The following PTPN2 variants were observed in gnomAD, a reference collection of about 807,000 sequenced individuals.
PTPN2 encodes the protein protein tyrosine phosphatase non-receptor type 2, also known as tyrosine-protein phosphatase non-receptor type 2.
A neutral mutation model predicts 57.3 loss-of-function variants in PTPN2; 19 were observed. The ratio of observed to expected loss-of-function variants is 0.33; its 90% confidence interval spans 0.23 to 0.49. PTPN2 has a LOEUF of 0.49. PTPN2 is among the 20% of genes least tolerant of loss of function. The probability of loss-of-function intolerance (pLI) is 0.99; values close to 1 mark genes in which losing one functional copy is unlikely to be tolerated. For synonymous variants in PTPN2, 153 were observed against 164.9 expected, an observed-to-expected ratio of 0.93 and a Z score of 0.55; for missense variants, 358 against 501.1, an observed-to-expected ratio of 0.71 and a Z score of 2.73.
At chr18:12,808,930 A>C (rs2041793802) in intron 7 of PTPN2, among the ~76,000 whole-genome samples, 1 of 152,274 alleles carries the variant, frequency 6.6e-6, no homozygotes, top group African/African-American at 2.4e-5. Context: ...ACACTGGAGT[A>C]GTCACCACAG....
chr18:12,870,439 GTGTATATATATATATAT>G (rs2044207214), intron 1 of PTPN2, among the ~76,000 whole-genome samples: 2 of 30,370 alleles, frequency 6.6e-5, no homozygotes, highest in Non-Finnish European at 9.2e-5. Flanking sequence ...ATATATATAT[GTGTATATATATATATAT>G]ATATATAGAG....
At chr18:12,837,447 A>G (rs1388738303) in intron 2 of PTPN2, among the ~76,000 whole-genome samples, 2 of 152,204 alleles carry the variant, frequency 1.3e-5, no homozygotes, top group Non-Finnish European at 2.9e-5. Flanking sequence ...CACTGAAGAT[A>G]CTTCACTACT....
At chr18:12,786,030 C>T (rs2040835787) in intron 9 of PTPN2, 1 of 571,506 alleles carries the variant, frequency 1.7e-6, no homozygotes, top group East Asian at 3.1e-5. Context: ...GGCTGGGGTG[C>T]TGGATTTCCA....
At chr18:12,874,046 G>T (rs912881469) in intron 1 of PTPN2, among the ~76,000 whole-genome samples, 21 of 150,618 alleles carry the variant, frequency 1.4e-4, no homozygotes, top group African/African-American at 5.1e-4. Context: ...GAGACCCTCC[G>T]CCCGGCAGCC....
At chr18:12,829,848 GAAC>G (rs2042607721) in intron 4 of PTPN2, among the ~76,000 whole-genome samples, 1 of 152,194 alleles carries the variant, frequency 6.6e-6, no homozygotes, top group Admixed American at 6.5e-5. Context: ...GAAATAAAAA[GAAC>G]AATAATCAGA....
At chr18:12,786,700 G>T (rs1315512619) in intron 9 of PTPN2, 1 of 152,118 alleles carries the variant, frequency 6.6e-6, no homozygotes, top group Admixed American at 6.5e-5. Flanking sequence ...TATATATTAA[G>T]AAATAGGAAA....
At chr18:12,807,568 GAA>G (rs68088093) in intron 7 of PTPN2, among the ~76,000 whole-genome samples, 441 of 41,190 alleles carry the variant, frequency 0.011, 7 homozygotes, top group African/African-American at 0.027. Context: ...AGAAAATGTG[GAA>G]AAAAAAAAAA....
rs1255822578 is a variant in PTPN2 at position 12,862,001 on chromosome 18, C to T, written c.70-2747G>A. On this transcript the variant is annotated intron_variant, in intron 1 of 8. Coordinates refer to ENST00000309660, the MANE Select transcript of PTPN2 (RefSeq NM_002828.4). ...TCATAACATAAATACATTTTCTCAGCTAATAAGATCTCTTGCATTGAGTCC... is the reference window on the plus strand; with the variant it reads ...TCATAACATAAATACATTTTCTCAGTTAATAAGATCTCTTGCATTGAGTCC... The T allele has an allele frequency of 3.9e-5, 6 of 152,126 alleles. No individual in the cohort carries two copies. In the East Asian group the frequency reaches 7.7e-4, roughly 20 times the overall value. 9.4% of individuals were successfully genotyped at this position (152,126 alleles called of 1,614,324 possible). A position where few individuals can be genotyped will look rare whatever the true frequency, so the allele number is the denominator to read the frequency against.
At chr18:12,875,108 A>C (rs1257046866) in intron 1 of PTPN2, among the ~76,000 whole-genome samples, 1 of 152,144 alleles carries the variant, frequency 6.6e-6, no homozygotes, top group Non-Finnish European at 1.5e-5. Context: ...GCTTGAAGGC[A>C]GCATGCTCGT....
downstream of PTPN2, chr18:12,792,065 C>T: frequency 3.6e-6 from 1 of 279,446 alleles, no homozygotes; most frequent in Non-Finnish European, 5.4e-6. Context: ...AGGTTTAATG[C>T]AGACAGACAT....
At chr18:12,835,262 C>T (rs1350653978) in intron 3 of PTPN2, among the ~76,000 whole-genome samples, 1 of 151,950 alleles carries the variant, frequency 6.6e-6, no homozygotes, top group Non-Finnish European at 1.5e-5. Context: ...GTCTCTATTC[C>T]CAAGCTCCAC....
intron 6 of PTPN2, among the ~76,000 whole-genome samples, chr18:12,815,701 T>C (rs1018473925): frequency 6.6e-6 from 1 of 152,058 alleles, no homozygotes; most frequent in Non-Finnish European, 1.5e-5. Flanking sequence ...ATACGCAGAG[T>C]GGTAAAGTAA....
chr18:12,834,933 C>T (rs893905366), intron 3 of PTPN2, among the ~76,000 whole-genome samples: 26 of 152,052 alleles, frequency 1.7e-4, no homozygotes, highest in African/African-American at 5.8e-4. Context: ...CCAACCTGCC[C>T]CCCACCCACT....
chr18:12,797,927 T>C (rs1375339550), intron 8 of PTPN2, among the ~76,000 whole-genome samples: 1 of 152,118 alleles, frequency 6.6e-6, no homozygotes, highest in African/African-American at 2.4e-5. Flanking sequence ...GGGTTTGCCA[T>C]GTTGCGCAGG....
At chr18:12,814,142 G>T (rs1012336026) in intron 7 of PTPN2, 61 bp downstream of exon 7, 33 of 1,260,868 alleles carry the variant, frequency 2.6e-5, no homozygotes, top group Non-Finnish European at 3.6e-5. Flanking sequence ...GTGGAGTGCA[G>T]TTATTTGATG....
chr18:12,866,233 T>TC (rs2043987603), intron 1 of PTPN2, among the ~76,000 whole-genome samples: 1 of 151,974 alleles, frequency 6.6e-6, no homozygotes, highest in African/African-American at 2.4e-5. Flanking sequence ...GGTCAGGAGA[T>TC]CGAGACCATC....
chr18:12,882,752 T>C (rs990354303), intron 1 of PTPN2, among the ~76,000 whole-genome samples: 1 of 152,254 alleles, frequency 6.6e-6, no homozygotes, highest in Admixed American at 6.5e-5. Flanking sequence ...TTCCCACTAA[T>C]GTGTTCAAGA....
At chr18:12,883,414 C>A (rs911975421) in intron 1 of PTPN2, among the ~76,000 whole-genome samples, 6 of 152,204 alleles carry the variant, frequency 3.9e-5, no homozygotes, top group African/African-American at 1.4e-4. Context: ...GAGCGCTGCC[C>A]TCGCCAGAGG....
At chr18:12,843,278 A>G (rs2043106507) in intron 2 of PTPN2, among the ~76,000 whole-genome samples, 2 of 152,152 alleles carry the variant, frequency 1.3e-5, no homozygotes, top group Admixed American at 6.5e-5. Context: ...AGTGGCTCGA[A>G]TGGACCAGTC....
Sources: gnomAD v4.1 joint callset for allele counts (sites outside exome capture counted in the v4.1 genomes callset) on GRCh38, gnomAD v4.1.1 for gene constraint, MANE v1.5 for transcripts, NCBI Gene and HGNC (gene_info 2026-07-23, HGNC 2026-07-21) for gene names.